EFR3A: variants seen among roughly 807,000 people sequenced by gnomAD.
EFR3A encodes protein EFR3 homolog A.
EFR3A carries 76 observed loss-of-function variants against 104.4 expected under a neutral mutation model. The ratio of observed to expected loss-of-function variants is 0.73; its 90% confidence interval spans 0.60 to 0.88. The LOEUF is 0.88. EFR3A is among the 40% of genes least tolerant of loss of function. The pLI is 0.00. For synonymous variants in EFR3A, 330 were observed against 330.0 expected (o/e 1.00, Z 0.00); for missense variants, 985 against 1,012.5 (o/e 0.97, Z 0.37).
intron 8 of EFR3A, among the ~76,000 whole-genome samples, chr8:131,961,318 G>T (rs577003944): frequency 1.2e-4 from 18 of 152,098 alleles, no homozygotes; most frequent in Non-Finnish European, 2.4e-4. Context: ...CTTGAAAAAA[G>T]ATTAGACAAA....
rs868414402 is a variant in EFR3A at position 131,904,392 on chromosome 8, T to G, written c.10+70T>G. ...TGCGCGACGCGCTTGGGCCGGGTAC[T>G]CCTCCCGGGCGGCTGGGGAGGCTGG... On this transcript the variant is annotated intron_variant, in intron 1 of 22. Transcript: ENST00000254624. The G allele has an allele frequency of 1.5e-5, 18 of 1,225,504 alleles. No individual in the cohort carries two copies. The Middle Eastern group carries it at 6.2e-4, about 42-fold the overall frequency. The allele number at this position is 1,225,504 out of a possible 1,614,324, so 75.9% of individuals were successfully genotyped here. A position where few individuals can be genotyped will look rare whatever the true frequency, so the allele number is the denominator to read the frequency against.
intron 22 of EFR3A, among the ~76,000 whole-genome samples, chr8:132,010,407 G>GATATAGATAT (rs1554610360): frequency 1.2e-5 from 1 of 81,880 alleles, no homozygotes; most frequent in Non-Finnish European, 2.4e-5. Context: ...TCAAGTATGA[G>GATATAGATAT]ATATATATAT....
intron 19 of EFR3A, among the ~76,000 whole-genome samples, chr8:131,997,945 C>G (rs915253497): frequency 6.6e-6 from 1 of 152,046 alleles, no homozygotes; most frequent in Admixed American, 6.5e-5. Context: ...GGGAAAGATT[C>G]TTGACACAAA....
intron 1 of EFR3A, among the ~76,000 whole-genome samples, chr8:131,939,274 C>T (rs190558867): frequency 1.2e-4 from 18 of 152,154 alleles, no homozygotes; most frequent in Non-Finnish European, 1.5e-5. Context: ...GCACCCAGCC[C>T]AGCTGGACGG....
intron 8 of EFR3A, among the ~76,000 whole-genome samples, chr8:131,961,783 G>T (rs1819351359): frequency 6.6e-6 from 1 of 152,172 alleles, no homozygotes; most frequent in Non-Finnish European, 1.5e-5. Flanking sequence ...TGAAATGAAG[G>T]AAAAAATATT....
intron 8 of EFR3A, among the ~76,000 whole-genome samples, chr8:131,960,681 G>T (rs1211646967): frequency 2.6e-5 from 4 of 152,044 alleles, no homozygotes; most frequent in Non-Finnish European, 4.4e-5. Flanking sequence ...CAAACAAACT[G>T]GTCTTGACCA....
At position 131,985,892 on chromosome 8, in the gene EFR3A, A is replaced by G. The variant is rs542393990; in HGVS notation, c.1870-302A>G. ...AGCGATTTCCAAAATAGTGCATTTG[A>G]GAAAATAGATATTCTTGCTTTATTA... On this transcript the variant is annotated intron_variant, in intron 16 of 22. Coordinates refer to ENST00000254624, the MANE Select transcript of EFR3A (RefSeq NM_015137.6). 2.4e-4 allele frequency among the ~76,000 whole-genome samples: 37 copies of G among 152,342 alleles called. No homozygotes were observed. The South Asian group carries it at 6.0e-3, about 25-fold the overall frequency.
intron 10 of EFR3A, among the ~76,000 whole-genome samples, chr8:131,974,743 T>A (rs1225486028): frequency 1.3e-5 from 2 of 152,198 alleles, no homozygotes; most frequent in African/African-American, 4.8e-5. Context: ...GATGGAGTCA[T>A]GTTAAGGTTA....
chr8:131,979,463 C>T (rs1367461469), intron 14 of EFR3A, 42 bp downstream of exon 14: 11 of 1,343,770 alleles, frequency 8.2e-6, no homozygotes, highest in African/African-American at 1.5e-5. Context: ...GTGTAAATTA[C>T]AGCCGTTTGA....
chr8:131,964,674 C>T lies in EFR3A; in HGVS notation c.856-3621C>T, dbSNP rs549980719. ...GGTAATTTATAGATTCAATGCCATC[C>T]CCATCAAGCTACCAATGACTTTCTT... On this transcript the variant is annotated intron_variant, in intron 8 of 22. Transcript: ENST00000254624. Among the ~76,000 whole-genome samples the T allele has an allele frequency of 1.8e-3, 280 of 152,176 alleles. 2 individuals carry two copies. Among genetic ancestry groups the T allele is most frequent in the African/African-American group, 6.6e-3 (272 of 41,506 alleles).
rs777770587 is a variant in EFR3A, at chr8:131,946,602, A to T, written c.335A>T (p.Glu112Val). Residue 112 changes from glutamate to valine, a missense_variant, in exon 4 of 23, where the codon GAA (glutamate) becomes GTA (valine). Coordinates refer to ENST00000254624, the MANE Select transcript of EFR3A (RefSeq NM_015137.6). The stretch of plus-strand genomic sequence containing the variant: ...GTGGCAAAGCTGCTGGAATCGGGGG[A>T]ACCAAAGCTTCAAGTTCTTGGAACA... ...HMVAKLLESG[E>V]PKLQVLGTNS... 6.2e-7 allele frequency: 1 copy of T among 1,604,470 alleles called. No individual in the cohort carries two copies. Among genetic ancestry groups the T allele is most frequent in the Non-Finnish European group, 8.5e-7 (1 of 1,175,648 alleles).
intron 10 of EFR3A, among the ~76,000 whole-genome samples, chr8:131,971,481 G>C (rs1820048198): frequency 3.9e-5 from 6 of 152,148 alleles, no homozygotes; most frequent in Admixed American, 3.9e-4. Flanking sequence ...GAGGTCAGGA[G>C]ATCAAGACCA....
chr8:131,950,628 C>T (rs1818650131), intron 5 of EFR3A, among the ~76,000 whole-genome samples: 1 of 152,082 alleles, frequency 6.6e-6, no homozygotes, highest in Admixed American at 6.6e-5. Flanking sequence ...GTTTCTTGCT[C>T]CTCTATGGAA....
At chr8:131,998,691 C>T (rs754861442) in intron 19 of EFR3A, among the ~76,000 whole-genome samples, 8 of 151,782 alleles carry the variant, frequency 5.3e-5, no homozygotes, top group Non-Finnish European at 1.0e-4. Context: ...GTGCTGATGC[C>T]ATAAAATGTA....
intron 3 of EFR3A, among the ~76,000 whole-genome samples, chr8:131,945,117 A>G (rs1429182573): frequency 6.6e-6 from 1 of 151,976 alleles, no homozygotes; most frequent in African/African-American, 2.4e-5. Context: ...GCTTGTGTCT[A>G]TTGATTTTTG....
intron 1 of EFR3A, among the ~76,000 whole-genome samples, chr8:131,916,023 T>A (rs1404005358): frequency 6.6e-6 from 1 of 152,194 alleles, no homozygotes. Flanking sequence ...CAGCACGTAG[T>A]TAAACTGATG....
chr8:131,915,492 A>G (rs1816703288), intron 1 of EFR3A, among the ~76,000 whole-genome samples: 1 of 152,224 alleles, frequency 6.6e-6, no homozygotes, highest in Non-Finnish European at 1.5e-5. Context: ...TGGAGAATAC[A>G]GAGGTGAATA....
intron 19 of EFR3A, among the ~76,000 whole-genome samples, chr8:131,998,082 G>A (rs1821585775): frequency 6.6e-6 from 1 of 152,032 alleles, no homozygotes; most frequent in South Asian, 2.1e-4. Context: ...ACAGTTTAGT[G>A]TCACATTTGC....
At chr8:132,006,643 G>A (rs1485860315) in intron 22 of EFR3A, among the ~76,000 whole-genome samples, 2 of 151,988 alleles carry the variant, frequency 1.3e-5, no homozygotes. Context: ...AGGAAACAAA[G>A]GAGGTAGAAA....
Sources: allele counts gnomAD v4.1 joint callset (sites outside exome capture counted in the v4.1 genomes callset), GRCh38; gene constraint gnomAD v4.1.1; transcripts MANE v1.5; gene names NCBI Gene and HGNC (gene_info 2026-07-23, HGNC 2026-07-21).